FOXP1: variants seen among roughly 807,000 people sequenced by gnomAD.
The protein encoded by FOXP1 is forkhead box protein P1.
Under a neutral mutation model 98.2 loss-of-function variants are expected in FOXP1, and 15 were observed. The observed-to-expected ratio is 0.15, with a 90% CI of 0.10 to 0.24. FOXP1 has a LOEUF of 0.24. Among genes scored for constraint, FOXP1 ranks in the 10% least tolerant of loss-of-function variants. The pLI is 1.00. For synonymous variants in FOXP1, 371 were observed against 314.5 expected, an observed-to-expected ratio of 1.18 and a Z score of -1.90; for missense variants, 633 against 848.5, an observed-to-expected ratio of 0.75 and a Z score of 3.15.
intron 5 of FOXP1, among the ~76,000 whole-genome samples, chr3:71,242,901 G>A (rs911070401): frequency 6.6e-6 from 1 of 152,122 alleles, no homozygotes; most frequent in African/African-American, 2.4e-5. Context: ...ATCCATTAAA[G>A]CTTAGGCTCT....
chr3:71,325,335 G>A (rs1188706885), intron 4 of FOXP1, among the ~76,000 whole-genome samples: 1 of 152,176 alleles, frequency 6.6e-6, no homozygotes, highest in African/African-American at 2.4e-5. Context: ...TTACAGGCGT[G>A]AGCCACTGTG....
intron 4 of FOXP1, among the ~76,000 whole-genome samples, chr3:71,322,235 G>T (rs767897018): frequency 2.7e-4 from 41 of 152,108 alleles, no homozygotes; most frequent in Non-Finnish European, 5.6e-4. Context: ...ATCAACATCT[G>T]GGCTATGAAA....
intron 3 of FOXP1, among the ~76,000 whole-genome samples, chr3:71,370,358 T>C (rs1332980701): frequency 6.6e-6 from 1 of 152,214 alleles, no homozygotes; most frequent in Non-Finnish European, 1.5e-5. Context: ...TTATTCACAC[T>C]GACACTGCTT....
At chr3:71,554,799 C>G (rs1033750161) in intron 2 of FOXP1, among the ~76,000 whole-genome samples, 3 of 152,162 alleles carry the variant, frequency 2.0e-5, no homozygotes, top group Admixed American at 1.3e-4. Context: ...TTTTCTTTCA[C>G]TTTGTGTGGA....
chr3:71,437,613 G>C (rs1302573876), intron 3 of FOXP1, among the ~76,000 whole-genome samples: 1 of 152,100 alleles, frequency 6.6e-6, no homozygotes, highest in African/African-American at 2.4e-5. Context: ...GTTCCCCAAA[G>C]AAGAAGGTAT....
chr3:71,175,564 G>A (rs1329626890), intron 6 of FOXP1, among the ~76,000 whole-genome samples: 1 of 152,190 alleles, frequency 6.6e-6, no homozygotes, highest in East Asian at 1.9e-4. Flanking sequence ...ATGATCCTCT[G>A]TAGCCTAGTT....
chr3:70,960,045 G>C (rs904791700), intron 20 of FOXP1, among the ~76,000 whole-genome samples: 2 of 152,294 alleles, frequency 1.3e-5, no homozygotes, highest in African/African-American at 4.8e-5. Context: ...TGTGTGTTCT[G>C]CTTTGCTAGT....
At position 70,955,570 on chromosome 3, in the gene FOXP1, G is replaced by GTTT. The variant is rs35502550; in HGVS notation, c.*3674_*3676dup. ...TCTTTACATCTTGGCACCTTGTAAAGTTTTTTTTTTTTTATACAAAAGTTC... is the reference window on the plus strand; with the variant it reads ...TCTTTACATCTTGGCACCTTGTAAAGTTTTTTTTTTTTTTTTATACAAAAGTTC... On this transcript the variant is annotated 3_prime_UTR_variant, in exon 21 of 21. Coordinates refer to ENST00000649528, the MANE Select transcript of FOXP1 (RefSeq NM_001349338.3). 13 of 217,348 alleles carry GTTT rather than the reference G, an allele frequency of 6.0e-5. No individual in the cohort carries two copies. Among genetic ancestry groups the GTTT allele is most frequent in the East Asian group, 4.4e-4 (7 of 15,732 alleles). 13.5% of individuals were successfully genotyped at this position (217,348 alleles called of 1,614,324 possible).
intron 2 of FOXP1, among the ~76,000 whole-genome samples, chr3:71,552,575 T>C (rs1215055084): frequency 6.6e-6 from 1 of 151,896 alleles, no homozygotes; most frequent in Non-Finnish European, 1.5e-5. Flanking sequence ...AAAGGTCATT[T>C]AGAAAAACTA....
intron 12 of FOXP1, among the ~76,000 whole-genome samples, chr3:71,014,080 G>C (rs1297358904): frequency 2.6e-5 from 4 of 152,194 alleles, no homozygotes; most frequent in Admixed American, 6.5e-5. Flanking sequence ...ATACCATTCA[G>C]GGCATAGGCA....
chr3:71,197,808 C>CT, intron 6 of FOXP1: 1 of 1,396,158 alleles, frequency 7.2e-7, no homozygotes, highest in Non-Finnish European at 1.0e-6. Context: ...TTCCTTAGCT[C>CT]TTATTTCCTT....
At chr3:70,992,057 G>C (rs1282074262) in intron 13 of FOXP1, among the ~76,000 whole-genome samples, 1 of 152,160 alleles carries the variant, frequency 6.6e-6, no homozygotes, top group African/African-American at 2.4e-5. Flanking sequence ...GCACCTAAAT[G>C]AATGCATGAG....
intron 5 of FOXP1, among the ~76,000 whole-genome samples, chr3:71,293,098 C>T (rs1560255397): frequency 6.6e-6 from 1 of 152,120 alleles, no homozygotes; most frequent in African/African-American, 2.4e-5. Context: ...CACAGATGTG[C>T]TACCTTTTAT....
chr3:70,964,315 C>A (rs1329539166), intron 20 of FOXP1, among the ~76,000 whole-genome samples: 1 of 152,184 alleles, frequency 6.6e-6, no homozygotes, highest in Non-Finnish European at 1.5e-5. Flanking sequence ...AACAAATTAA[C>A]CCTGCAGTGA....
chr3:71,386,230 GAC>G (rs1208123670), intron 3 of FOXP1, among the ~76,000 whole-genome samples: 5 of 152,112 alleles, frequency 3.3e-5, no homozygotes, highest in Admixed American at 3.3e-4. Context: ...TTTGAAATAT[GAC>G]AGATGAATTA....
chr3:71,179,441 T>C (rs551228891), intron 6 of FOXP1, among the ~76,000 whole-genome samples: 2 of 152,186 alleles, frequency 1.3e-5, no homozygotes, highest in East Asian at 3.9e-4. Flanking sequence ...TGCCTAAATA[T>C]GGAATTACCT....
chr3:71,295,367 A>C (rs541539070), intron 5 of FOXP1, among the ~76,000 whole-genome samples: 1 of 152,350 alleles, frequency 6.6e-6, no homozygotes, highest in Non-Finnish European at 1.5e-5. Context: ...AAATAACTGA[A>C]TAGCATTTTA....
At chr3:71,306,453 G>A (rs979842368) in intron 4 of FOXP1, among the ~76,000 whole-genome samples, 9 of 151,660 alleles carry the variant, frequency 5.9e-5, no homozygotes, top group African/African-American at 2.2e-4. Context: ...TCAGATATAC[G>A]TCTCGTTTCT....
chr3:71,303,690 T>C (rs942647863), intron 4 of FOXP1, among the ~76,000 whole-genome samples: 1 of 151,962 alleles, frequency 6.6e-6, no homozygotes, highest in Admixed American at 6.6e-5. Context: ...ATCTCAAAGT[T>C]TGTTCTATGC....
Sources: gnomAD v4.1 joint callset for allele counts (sites outside exome capture counted in the v4.1 genomes callset) on GRCh38, gnomAD v4.1.1 for gene constraint, MANE v1.5 for transcripts, NCBI Gene and HGNC (gene_info 2026-07-23, HGNC 2026-07-21) for gene names.